The following TNR variants were observed in gnomAD, a reference collection of about 807,000 sequenced individuals.
The protein encoded by TNR is tenascin-R.
A neutral mutation model predicts 150.4 loss-of-function variants in TNR; 45 were observed. The ratio of observed to expected loss-of-function variants is 0.30; its 90% CI spans 0.24 to 0.38. TNR has a LOEUF of 0.38. TNR is among the 10% of genes least tolerant of loss of function. The probability of loss-of-function intolerance (pLI) is 1.00; values close to 1 mark genes in which losing one functional copy is unlikely to be tolerated. For missense variants in TNR, 1,544 were observed against 1,759.1 expected, an observed-to-expected ratio of 0.88 and a Z score of 2.19; for synonymous variants, 687 against 678.4, an observed-to-expected ratio of 1.01 and a Z score of -0.20.
intron 2 of TNR, among the ~76,000 whole-genome samples, chr1:175,503,894 G>A (rs150443081): frequency 1.7e-3 from 266 of 152,290 alleles, no homozygotes; most frequent in African/African-American, 6.1e-3. Context: ...GGGAATCGAA[G>A]CCAGGCCAAA....
At chr1:175,657,608 A>G (rs565159952) in intron 1 of TNR, among the ~76,000 whole-genome samples, 2 of 151,826 alleles carry the variant, frequency 1.3e-5, no homozygotes, top group East Asian at 3.9e-4. Flanking sequence ...TGATGAGTTC[A>G]TGTCCTTTGT....
intron 1 of TNR, among the ~76,000 whole-genome samples, chr1:175,657,412 A>T (rs1331660956): frequency 6.6e-6 from 1 of 152,176 alleles, no homozygotes; most frequent in Admixed American, 6.5e-5. Context: ...CAGCCATCCC[A>T]TTACTGGGTA....
At chr1:175,419,469 G>A (rs1173705666) in intron 2 of TNR, among the ~76,000 whole-genome samples, 1 of 152,064 alleles carries the variant, frequency 6.6e-6, no homozygotes, top group Non-Finnish European at 1.5e-5. Flanking sequence ...CCACTAAGGG[G>A]ATGCAGAACA....
intron 10 of TNR, among the ~76,000 whole-genome samples, chr1:175,366,981 C>T (rs777305944): frequency 9.9e-5 from 15 of 152,280 alleles, no homozygotes; most frequent in South Asian, 6.2e-4. Context: ...CTTCAGACCA[C>T]GGGGGACCGA....
At chr1:175,348,086 T>A (rs1046334115) in intron 18 of TNR, among the ~76,000 whole-genome samples, 3 of 152,152 alleles carry the variant, frequency 2.0e-5, no homozygotes, top group Non-Finnish European at 4.4e-5. Flanking sequence ...ATATAAAAAA[T>A]TAATGGTATT....
At chr1:175,570,582 T>A (rs571131855) in intron 1 of TNR, among the ~76,000 whole-genome samples, 1 of 152,294 alleles carries the variant, frequency 6.6e-6, no homozygotes, top group African/African-American at 2.4e-5. Context: ...AGGGTGCCTT[T>A]TCATGTACGA....
intron 1 of TNR, among the ~76,000 whole-genome samples, chr1:175,588,021 C>T (rs1662643544): frequency 6.6e-6 from 1 of 152,138 alleles, no homozygotes; most frequent in African/African-American, 2.4e-5. Context: ...TGATCACTTT[C>T]CAATCATGTA....
intron 2 of TNR, among the ~76,000 whole-genome samples, chr1:175,430,111 T>G (rs774084147): frequency 3.3e-5 from 5 of 151,522 alleles, no homozygotes; most frequent in Non-Finnish European, 7.4e-5. Flanking sequence ...ATATCTATTA[T>G]CATTTAGTGG....
intron 2 of TNR, 143 bp from the exon 3 acceptor site, chr1:175,406,920 T>C (rs1653992328): frequency 1.6e-6 from 1 of 628,214 alleles, no homozygotes; most frequent in Non-Finnish European, 2.7e-6. Context: ...GCTGCCAATG[T>C]CATAAAGGCC....
At chr1:175,380,312 C>A (rs1347798257) in intron 8 of TNR, among the ~76,000 whole-genome samples, 4 of 149,346 alleles carry the variant, frequency 2.7e-5, no homozygotes, top group Non-Finnish European at 4.4e-5. Flanking sequence ...GGTAATGGAA[C>A]CATGAGCAAG....
intron 2 of TNR, among the ~76,000 whole-genome samples, chr1:175,506,013 C>T (rs1404572717): frequency 6.6e-6 from 1 of 152,218 alleles, no homozygotes; most frequent in African/African-American, 2.4e-5. Flanking sequence ...GCACTCCAGC[C>T]TGGGCAACAT....
At chr1:175,601,730 A>T (rs1663244548) in intron 1 of TNR, among the ~76,000 whole-genome samples, 1 of 152,088 alleles carries the variant, frequency 6.6e-6, no homozygotes, top group Admixed American at 6.6e-5. Flanking sequence ...CTCTCCACTC[A>T]CTTATGATCT....
At chr1:175,469,815 T>C (rs1390351102) in intron 2 of TNR, among the ~76,000 whole-genome samples, 2 of 151,980 alleles carry the variant, frequency 1.3e-5, no homozygotes, top group East Asian at 3.9e-4. Flanking sequence ...ATATGGCTCA[T>C]AGATTGGAGT....
rs1280154765 is a variant in TNR, at chr1:175,321,858, G to C, written c.*1499C>G. 1 of 151,778 alleles carries C rather than the reference G, an allele frequency of 6.6e-6. No homozygotes were observed. The highest frequency in any genetic ancestry group is 1.5e-5 in the Non-Finnish European group (1 of 67,960). 9.4% of individuals were successfully genotyped at this position (151,778 alleles called of 1,614,324 possible). On this transcript the variant is annotated 3_prime_UTR_variant, in exon 23 of 23. Transcript: ENST00000367674. ...TCACCTCATTAAGAAGGTCATTCCTGTTTCCCATAGGACCAAAAAAGAAAA... is the reference window on the plus strand; with the variant it reads ...TCACCTCATTAAGAAGGTCATTCCTCTTTCCCATAGGACCAAAAAAGAAAA...
At chr1:175,426,458 C>T (rs574668581) in intron 2 of TNR, among the ~76,000 whole-genome samples, 1 of 152,206 alleles carries the variant, frequency 6.6e-6, no homozygotes, top group Admixed American at 6.5e-5. Context: ...TGCAACTGCC[C>T]TTCTCTCCTC....
intron 1 of TNR, among the ~76,000 whole-genome samples, chr1:175,736,939 TGAGTCCAGGAGGTA>T (rs1370142274): frequency 1.3e-5 from 2 of 152,078 alleles, no homozygotes; most frequent in African/African-American, 4.8e-5. Context: ...AGGGATGGCT[TGAGTCCAGGAGGTA>T]GAGTCTATGG....
At chr1:175,435,416 G>T (rs189825440) in intron 2 of TNR, among the ~76,000 whole-genome samples, 2 of 152,202 alleles carry the variant, frequency 1.3e-5, no homozygotes, top group Non-Finnish European at 2.9e-5. Flanking sequence ...TAACTATGAT[G>T]GGAAAGACCA....
Position 175,315,925 on chromosome 1 carries a change from G to C in TNR, c.*7432C>G, listed in dbSNP as rs988881163. 6.6e-6 allele frequency: 1 copy of C among 152,130 alleles called. No individual in the cohort carries two copies. Among genetic ancestry groups the C allele is most frequent in the Non-Finnish European group, 1.5e-5 (1 of 68,022 alleles). The allele number at this position is 152,130 out of a possible 1,614,324, so 9.4% of individuals were successfully genotyped here. On this transcript the variant is annotated 3_prime_UTR_variant, in exon 23 of 23. Coordinates refer to ENST00000367674, the MANE Select transcript of TNR (RefSeq NM_003285.3). ...TAAACCTTGAGTCTGTGGGACCATGGTGTGAGTCTGGGCCTCCGCAGTTGG... is the reference window on the plus strand; with the variant it reads ...TAAACCTTGAGTCTGTGGGACCATGCTGTGAGTCTGGGCCTCCGCAGTTGG...
At chr1:175,333,211 A>G (rs552877944) in intron 20 of TNR, 3 of 152,328 alleles carry the variant, frequency 2.0e-5, no homozygotes, top group Non-Finnish European at 2.9e-5. Context: ...TTTATGGCAC[A>G]TGATAACTAG....
Sources: allele counts gnomAD v4.1 joint callset (sites outside exome capture counted in the v4.1 genomes callset), GRCh38; gene constraint gnomAD v4.1.1; transcripts MANE v1.5; gene names NCBI Gene and HGNC (gene_info 2026-07-23, HGNC 2026-07-21).